SPATA6: variants seen among roughly 807,000 people sequenced by gnomAD.
The protein encoded by SPATA6 is spermatogenesis associated 6.
In SPATA6, 56 loss-of-function variants were observed where a neutral mutation model predicts 65.3. The ratio of observed to expected loss-of-function variants is 0.86; its 90% confidence interval spans 0.69 to 1.07. SPATA6 has a LOEUF of 1.07. SPATA6 is among the 50% of genes least tolerant of loss of function. The pLI is 0.00. For synonymous variants in SPATA6, 199 were observed against 213.2 expected, an observed-to-expected ratio of 0.93 and a Z score of 0.58; for missense variants, 590 against 594.8, an observed-to-expected ratio of 0.99 and a Z score of 0.08.
At chr1:48,426,277 A>C (rs1321022860) in intron 3 of SPATA6, among the ~76,000 whole-genome samples, 1 of 152,200 alleles carries the variant, frequency 6.6e-6, no homozygotes, top group East Asian at 1.9e-4. Context: ...CAATTTGAAA[A>C]AGAGCAGTTG....
At chr1:48,438,194 GTC>G (rs1655126583) in intron 3 of SPATA6, among the ~76,000 whole-genome samples, 1 of 152,078 alleles carries the variant, frequency 6.6e-6, no homozygotes, top group African/African-American at 2.4e-5. Flanking sequence ...CCCCGCAAAG[GTC>G]CACAGCTTCA....
At chr1:48,325,519 A>G in intron 11 of SPATA6, 3 of 1,222,502 alleles carry the variant, frequency 2.5e-6, no homozygotes, top group East Asian at 4.7e-5. Context: ...TCCTCACTGA[A>G]TGTCACCCGG....
At chr1:48,354,942 T>TA (rs1646615489) in intron 11 of SPATA6, among the ~76,000 whole-genome samples, 1 of 152,090 alleles carries the variant, frequency 6.6e-6, no homozygotes, top group Non-Finnish European at 1.5e-5. Context: ...AGTTTAATTT[T>TA]AAAAACAGCA....
At chr1:48,391,454 C>CTAG (rs766717990) in intron 8 of SPATA6, among the ~76,000 whole-genome samples, 14 of 151,922 alleles carry the variant, frequency 9.2e-5, no homozygotes, top group Non-Finnish European at 2.1e-4. Context: ...TTCCTGGAAG[C>CTAG]TAGCATTATA....
chr1:48,365,756 T>A (rs2148836746), intron 9 of SPATA6, among the ~76,000 whole-genome samples: 1 of 152,200 alleles, frequency 6.6e-6, no homozygotes, highest in Middle Eastern at 3.4e-3. Context: ...CAATTTGACT[T>A]CCTCTTTCCC....
At chr1:48,290,033 A>C in the SPATA6 span, among the ~76,000 whole-genome samples, 368 of 152,318 alleles carry the variant, frequency 2.4e-3, 1 homozygote, top group South Asian at 7.9e-3. Context: ...AAGAGCGACT[A>C]CAAGACACAT....
At chr1:48,462,515 C>A (rs1486107150) in intron 1 of SPATA6, among the ~76,000 whole-genome samples, 1 of 152,072 alleles carries the variant, frequency 6.6e-6, no homozygotes, top group African/African-American at 2.4e-5. Flanking sequence ...AGTGAAAATA[C>A]ATAATCATAG....
At chr1:48,399,233 G>T (rs1292022267) in intron 7 of SPATA6, 118 bp downstream of exon 7, 2 of 1,208,324 alleles carry the variant, frequency 1.7e-6, no homozygotes, top group African/African-American at 3.1e-5. Flanking sequence ...TAGGGTAGCA[G>T]TCAGAAGAGA....
intron 1 of SPATA6, among the ~76,000 whole-genome samples, chr1:48,466,496 T>C (rs1209606936): frequency 6.6e-6 from 1 of 152,044 alleles, no homozygotes; most frequent in East Asian, 1.9e-4. Flanking sequence ...ATATTAGTTA[T>C]TTTAAGGAAG....
intron 10 of SPATA6, 106 bp from the exon 11 acceptor site, chr1:48,355,875 G>C (rs1353554267): frequency 6.1e-6 from 5 of 815,894 alleles, no homozygotes; most frequent in African/African-American, 1.7e-5. Flanking sequence ...CTTAATAAAG[G>C]TTGGCATACA....
chr1:48,330,857 T>C (rs1042448118), intron 11 of SPATA6, among the ~76,000 whole-genome samples: 5 of 152,084 alleles, frequency 3.3e-5, no homozygotes, highest in Non-Finnish European at 7.4e-5. Flanking sequence ...AACAGCAGAC[T>C]ATGGGCAAGG....
intron 3 of SPATA6, among the ~76,000 whole-genome samples, chr1:48,439,640 G>A: frequency 6.6e-6 from 1 of 152,138 alleles, no homozygotes; most frequent in East Asian, 1.9e-4. Flanking sequence ...GGCAAGAGGG[G>A]AAAACAAACA....
chr1:48,354,008 A>G (rs910199943), intron 11 of SPATA6, among the ~76,000 whole-genome samples: 6 of 152,106 alleles, frequency 3.9e-5, no homozygotes, highest in Admixed American at 1.3e-4. Flanking sequence ...TGAAGAATCT[A>G]CAAAGAAATC....
chr1:48,348,316 G>A (rs1379619539), intron 11 of SPATA6, among the ~76,000 whole-genome samples: 1 of 151,994 alleles, frequency 6.6e-6, no homozygotes, highest in African/African-American at 2.4e-5. Context: ...ATGGAGATTT[G>A]TCCATTCTCA....
At chr1:48,393,262 T>C (rs1043207032) in intron 8 of SPATA6, 3 of 152,144 alleles carry the variant, frequency 2.0e-5, no homozygotes, top group African/African-American at 7.2e-5. Context: ...TACCTCCTAG[T>C]GTGATGCACT....
chr1:48,362,803 G>A (rs1009980093), intron 9 of SPATA6, among the ~76,000 whole-genome samples: 12 of 152,080 alleles, frequency 7.9e-5, no homozygotes, highest in Non-Finnish European at 8.8e-5. Context: ...GAAAAGATGA[G>A]CAAAGATGAA....
chr1:48,378,308 GC>G (rs1324712800), intron 9 of SPATA6, among the ~76,000 whole-genome samples: 1 of 152,128 alleles, frequency 6.6e-6, no homozygotes, highest in Non-Finnish European at 1.5e-5. Context: ...TAATGCAGTG[GC>G]AAAATATTTA....
the SPATA6 span, among the ~76,000 whole-genome samples, chr1:48,272,122 C>G: frequency 6.6e-6 from 1 of 152,232 alleles, no homozygotes; most frequent in East Asian, 1.9e-4. Flanking sequence ...TATGTATACA[C>G]TATAAAATGA....
chr1:48,371,341 A>T (rs1473275889), intron 9 of SPATA6, among the ~76,000 whole-genome samples: 2 of 152,152 alleles, frequency 1.3e-5, no homozygotes. Context: ...TTTCAAGGGA[A>T]CTTCCTTAAC....
Sources: gnomAD v4.1 joint callset for allele counts (sites outside exome capture counted in the v4.1 genomes callset) on GRCh38, gnomAD v4.1.1 for gene constraint, MANE v1.5 for transcripts, NCBI Gene and HGNC (gene_info 2026-07-23, HGNC 2026-07-21) for gene names.